MAGI1: variants seen among roughly 807,000 people sequenced by gnomAD.
MAGI1 encodes membrane associated guanylate kinase, WW and PDZ domain containing 1.
Under a neutral mutation model 139.9 loss-of-function variants are expected in MAGI1, and 58 were observed. That is an observed-to-expected ratio of 0.41 (90% CI 0.34 to 0.52). The LOEUF is 0.52. Among genes scored for constraint, MAGI1 ranks in the 20% least tolerant of loss-of-function variants. The probability of loss-of-function intolerance (pLI) is 0.12; values close to 1 mark genes in which losing one functional copy is unlikely to be tolerated. For synonymous variants in MAGI1, 812 were observed against 737.9 expected (o/e 1.10, Z -1.63); for missense variants, 1,874 against 1,901.6 (o/e 0.99, Z 0.27).
chr3:65,909,622 A>G (rs1260237712), intron 1 of MAGI1, among the ~76,000 whole-genome samples: 1 of 152,156 alleles, frequency 6.6e-6, no homozygotes, highest in East Asian at 1.9e-4. Flanking sequence ...CTTGAGCTCA[A>G]AAAGTCAAGG....
intron 2 of MAGI1, among the ~76,000 whole-genome samples, chr3:65,615,782 A>C (rs1254564707): frequency 6.6e-6 from 1 of 152,176 alleles, no homozygotes; most frequent in East Asian, 1.9e-4. Flanking sequence ...ATGATTTTTT[A>C]ATTTGGCACA....
Position 65,903,435 on chromosome 3 carries a change from A to G in MAGI1, c.313+134561T>C, listed in dbSNP as rs145351201. Among the ~76,000 whole-genome samples the G allele has an allele frequency of 1.1e-3, 164 of 152,256 alleles. 2 individuals carry two copies. Among genetic ancestry groups the G allele is most frequent in the African/African-American group, 3.7e-3 (154 of 41,536 alleles). On this transcript the variant is annotated intron_variant, in intron 1 of 22. Transcript: ENST00000402939. ...GTTCAGTTTCCTCATTTAAAAAACC[A>G]GGATAACAGCAATGCCTACTTCCTA... is the stretch of plus-strand genomic sequence containing the variant.
chr3:65,439,718 T>G (rs6445477), intron 9 of MAGI1, among the ~76,000 whole-genome samples, 161 bp downstream of exon 9: 1 of 152,120 alleles, frequency 6.6e-6, no homozygotes, highest in South Asian at 2.1e-4. Flanking sequence ...CAGAGGAACA[T>G]GGAGAGGGGG....
Position 65,437,244 on chromosome 3 carries a change from C to G in MAGI1, c.1274G>C (p.Trp425Ser). 2 of 1,601,704 alleles carry G rather than the reference C, an allele frequency of 1.2e-6. No individual in the cohort carries two copies. The highest frequency in any genetic ancestry group is 1.7e-6 in the Non-Finnish European group (2 of 1,170,008). The change falls in exon 10 of 23, where the codon TGG (tryptophan) becomes TCG (serine). Residue 425 changes from tryptophan to serine, a missense_variant. Transcript: ENST00000402939. ...QQQQQQQTEE[W>S]TEDHSALVPP... ...CACAAGGGCTGAGTGATCTTCTGTC[C>G]ATTCTATGAAAAAGAAAAGAAAGTT...
intron 1 of MAGI1, among the ~76,000 whole-genome samples, chr3:66,034,150 C>A (rs1449885072): frequency 2.9e-5 from 4 of 139,492 alleles, no homozygotes; most frequent in Admixed American, 7.1e-5. Context: ...TGTTACCCCA[C>A]CCCCCAACCC....
chr3:66,021,948 C>T (rs1481134297), intron 1 of MAGI1, among the ~76,000 whole-genome samples: 1 of 152,216 alleles, frequency 6.6e-6, no homozygotes, highest in Non-Finnish European at 1.5e-5. Context: ...GCTGTGCCTG[C>T]AATCTGTTAG....
chr3:65,545,830 C>T (rs75913051), intron 2 of MAGI1, among the ~76,000 whole-genome samples: 2 of 151,388 alleles, frequency 1.3e-5, no homozygotes, highest in Non-Finnish European at 1.5e-5. Context: ...TTAGCCATGG[C>T]GAGAAAATTA....
intron 1 of MAGI1, among the ~76,000 whole-genome samples, chr3:65,930,328 A>C (rs2062749631): frequency 6.7e-6 from 1 of 148,482 alleles, no homozygotes; most frequent in African/African-American, 2.4e-5. Context: ...AAAAAAAAAA[A>C]AAAAAAAAAA....
At chr3:65,752,506 G>A (rs1013902274) in intron 1 of MAGI1, among the ~76,000 whole-genome samples, 5 of 152,170 alleles carry the variant, frequency 3.3e-5, no homozygotes, top group Admixed American at 1.3e-4. Context: ...TCCACAAAAC[G>A]TTAAAAATAA....
At chr3:65,410,838 A>C (rs1945739129) in intron 12 of MAGI1, among the ~76,000 whole-genome samples, 1 of 152,228 alleles carries the variant, frequency 6.6e-6, no homozygotes, top group African/African-American at 2.4e-5. Flanking sequence ...CATGTCTTTA[A>C]AGCTACACAA....
intron 1 of MAGI1, among the ~76,000 whole-genome samples, chr3:65,863,496 G>C (rs1159317935): frequency 6.6e-6 from 1 of 152,170 alleles, no homozygotes; most frequent in African/African-American, 2.4e-5. Context: ...AGTATGCCCA[G>C]AAATGACTAC....
At chr3:65,965,610 G>T (rs918227599) in intron 1 of MAGI1, among the ~76,000 whole-genome samples, 1 of 152,004 alleles carries the variant, frequency 6.6e-6, no homozygotes, top group African/African-American at 2.4e-5. Context: ...AATTTGAACT[G>T]AAGCAGGAAC....
intron 1 of MAGI1, among the ~76,000 whole-genome samples, chr3:65,749,536 C>A (rs184233832): frequency 1.3e-5 from 2 of 151,938 alleles, no homozygotes; most frequent in East Asian, 3.9e-4. Flanking sequence ...GGATGGGAAG[C>A]GGATGAGGGA....
intron 1 of MAGI1, among the ~76,000 whole-genome samples, chr3:65,630,128 A>T (rs56916672): frequency 0.052 from 7,938 of 152,218 alleles, 418 homozygotes; most frequent in African/African-American, 0.13. Flanking sequence ...AATACACTTA[A>T]ACATTTGGGG....
intron 1 of MAGI1, among the ~76,000 whole-genome samples, chr3:65,673,058 G>A (rs924194944): frequency 5.3e-5 from 8 of 152,020 alleles, no homozygotes; most frequent in Non-Finnish European, 1.2e-4. Flanking sequence ...ATAAATGACC[G>A]CCAGCGCCAT....
At chr3:65,717,735 C>T (rs1010666694) in intron 1 of MAGI1, among the ~76,000 whole-genome samples, 17 of 152,166 alleles carry the variant, frequency 1.1e-4, no homozygotes, top group Non-Finnish European at 2.2e-4. Flanking sequence ...ATAGGTCTGG[C>T]AAAAGCCCTT....
In MAGI1 at chr3:65,356,329, T is replaced by G; in HGVS notation, c.*49A>C. ...CTAAATAATTTCAGGTTTGTGACTT[T>G]CCTCTTAGAACCTTTGACACGGTAA... is the stretch of plus-strand genomic sequence containing the variant. On this transcript the variant is annotated 3_prime_UTR_variant, in exon 23 of 23. Coordinates refer to ENST00000402939, the MANE Select transcript of MAGI1 (RefSeq NM_001033057.2). The G allele has an allele frequency of 6.7e-7, 1 of 1,492,922 alleles. No homozygotes were observed. Among genetic ancestry groups the G allele is most frequent in the South Asian group, 1.4e-5 (1 of 73,164 alleles). The allele number at this position is 1,492,922 out of a possible 1,614,324, so 92.5% of individuals were successfully genotyped here.
chr3:65,877,490 G>C (rs750741965), intron 1 of MAGI1, among the ~76,000 whole-genome samples: 22 of 152,156 alleles, frequency 1.4e-4, no homozygotes, highest in Non-Finnish European at 3.1e-4. Flanking sequence ...AGGTTCCCCA[G>C]AGATGACCTC....
At chr3:65,847,214 A>C (rs2059036195) in intron 1 of MAGI1, among the ~76,000 whole-genome samples, 3 of 151,772 alleles carry the variant, frequency 2.0e-5, no homozygotes, top group Admixed American at 2.0e-4. Context: ...TCAGAGACAG[A>C]GTCTTCTACA....
Sources: gnomAD v4.1 joint callset for allele counts (sites outside exome capture counted in the v4.1 genomes callset) on GRCh38, gnomAD v4.1.1 for gene constraint, MANE v1.5 for transcripts, NCBI Gene and HGNC (gene_info 2026-07-23, HGNC 2026-07-21) for gene names.